The following VIT variants were observed in gnomAD, a reference collection of about 807,000 sequenced individuals.
VIT encodes vitrin.
VIT carries 99 observed loss-of-function variants against 78.0 expected under a neutral mutation model. The observed-to-expected ratio is 1.27, with a 90% CI of 1.08 to 1.50. VIT has a LOEUF of 1.50. Among genes scored for constraint, VIT ranks in the 40% most tolerant of loss-of-function variants. VIT has a pLI of 0.00. For missense variants in VIT, 1,126 were observed against 875.3 expected, an observed-to-expected ratio of 1.29 and a Z score of -3.61; for synonymous variants, 374 against 334.3, an observed-to-expected ratio of 1.12 and a Z score of -1.29.
rs544893267 is a variant in VIT, at chr2:36,730,711, A to T, written c.118+1220A>T. Among the ~76,000 whole-genome samples, 7 of 152,330 alleles carry T rather than the reference A, an allele frequency of 4.6e-5. No individual in the cohort carries two copies. In the East Asian group the frequency reaches 1.4e-3, roughly 29 times the overall value. Reference sequence around the variant, plus strand: ...TGTACCATGCCCAAGAAGAATGAGGATAAGCTGGACATTGAAGGGTGAGGA... The same window carrying T: ...TGTACCATGCCCAAGAAGAATGAGGTTAAGCTGGACATTGAAGGGTGAGGA... On this transcript the variant is annotated intron_variant, in intron 3 of 15. Coordinates refer to ENST00000379242, the MANE Select transcript of VIT (RefSeq NM_053276.4).
chr2:36,778,049 C>G (rs1670176445), intron 9 of VIT, among the ~76,000 whole-genome samples: 1 of 152,170 alleles, frequency 6.6e-6, no homozygotes, highest in Admixed American at 6.5e-5. Flanking sequence ...ATGCCTTCAG[C>G]CACAGATATA....
chr2:36,717,258 AAGCTCTCCCTCCCGGGTTCACC>A (rs1666207330), intron 2 of VIT, among the ~76,000 whole-genome samples: 1 of 145,086 alleles, frequency 6.9e-6, no homozygotes, highest in Non-Finnish European at 1.5e-5. Context: ...GGCTCACTGC[AAGCTCTCCCTCCCGGGTTCACC>A]CCATTCTCCT....
chr2:36,698,326 T>G (rs1381152324), intron 1 of VIT, among the ~76,000 whole-genome samples: 1 of 152,208 alleles, frequency 6.6e-6, no homozygotes, highest in Non-Finnish European at 1.5e-5. Flanking sequence ...TCCACCAAGT[T>G]ACTGATCACA....
At chr2:36,755,380 C>T (rs1668702485) in intron 5 of VIT, among the ~76,000 whole-genome samples, 1 of 152,094 alleles carries the variant, frequency 6.6e-6, no homozygotes, top group Non-Finnish European at 1.5e-5. Context: ...GCCAAATGTG[C>T]CTCATGTCTA....
At chr2:36,741,892 T>C (rs1667857644) in intron 3 of VIT, among the ~76,000 whole-genome samples, 1 of 152,208 alleles carries the variant, frequency 6.6e-6, no homozygotes, top group Admixed American at 6.5e-5. Flanking sequence ...AGAAAGTCTG[T>C]TCTTTAAGTT....
At chr2:36,702,933 C>T (rs1665157435) in intron 1 of VIT, among the ~76,000 whole-genome samples, 4 of 152,220 alleles carry the variant, frequency 2.6e-5, no homozygotes, top group Admixed American at 2.6e-4. Flanking sequence ...TGTCTGGCTG[C>T]TTTCTGCCTA....
intron 4 of VIT, among the ~76,000 whole-genome samples, chr2:36,745,167 T>C (rs1033219154): frequency 9.2e-5 from 14 of 152,162 alleles, no homozygotes; most frequent in African/African-American, 3.4e-4. Context: ...TTCTTTTCCG[T>C]CGTCTACATG....
chr2:36,813,134 C>A (rs1667307053), intron 15 of VIT, among the ~76,000 whole-genome samples: 1 of 150,896 alleles, frequency 6.6e-6, no homozygotes, highest in African/African-American at 2.4e-5. Flanking sequence ...GCCACCGCAC[C>A]CAGCCTGTTT....
At chr2:36,790,631 C>T (rs534419293) in intron 12 of VIT, among the ~76,000 whole-genome samples, 13 of 152,320 alleles carry the variant, frequency 8.5e-5, no homozygotes, top group South Asian at 2.1e-4. Context: ...CAAGAACACA[C>T]AGCTAAATGC....
At chr2:36,789,300 G>C (rs1054264731) in intron 12 of VIT, among the ~76,000 whole-genome samples, 1 of 152,166 alleles carries the variant, frequency 6.6e-6, no homozygotes, top group Non-Finnish European at 1.5e-5. Context: ...GGTCAGACTA[G>C]ATGATTTATT....
At chr2:36,747,487 T>A (rs1388258459) in intron 4 of VIT, among the ~76,000 whole-genome samples, 1 of 152,186 alleles carries the variant, frequency 6.6e-6, no homozygotes, top group Admixed American at 6.5e-5. Flanking sequence ...CAATATTGGG[T>A]CTGTATATAT....
At chr2:36,728,349 A>T (rs981268993) in intron 2 of VIT, among the ~76,000 whole-genome samples, 29 of 152,292 alleles carry the variant, frequency 1.9e-4, no homozygotes, top group Non-Finnish European at 3.1e-4. Flanking sequence ...AAATCTCAAA[A>T]ATAGAAAAAA....
chr2:36,726,840 A>G (rs1304197969), intron 2 of VIT, among the ~76,000 whole-genome samples: 4 of 88,830 alleles, frequency 4.5e-5, no homozygotes, highest in Non-Finnish European at 9.1e-5. Context: ...AAAAAAAAAA[A>G]AAACAAAACC....
chr2:36,716,538 A>C (rs2148449481), intron 2 of VIT, 116 bp downstream of exon 2: 1 of 803,006 alleles, frequency 1.2e-6, no homozygotes, highest in Non-Finnish European at 2.0e-6. Flanking sequence ...ACAGTGTATC[A>C]TTTTATAAGA....
At chr2:36,739,648 T>C (rs1311216837) in intron 3 of VIT, among the ~76,000 whole-genome samples, 3 of 152,192 alleles carry the variant, frequency 2.0e-5, no homozygotes, top group African/African-American at 7.2e-5. Flanking sequence ...GAAGGAACCC[T>C]TGGCAGATAC....
chr2:36,793,665 G>T (rs1665657713), intron 12 of VIT, among the ~76,000 whole-genome samples: 1 of 152,184 alleles, frequency 6.6e-6, no homozygotes, highest in African/African-American at 2.4e-5. Context: ...ACAATTAAAA[G>T]GCTAAATAGT....
At chr2:36,762,605 A>G (rs546560132) in intron 6 of VIT, among the ~76,000 whole-genome samples, 120 of 152,296 alleles carry the variant, frequency 7.9e-4, no homozygotes, top group Non-Finnish European at 1.4e-3. Flanking sequence ...AATGAGTACA[A>G]TTAAAGGAGT....
chr2:36,775,028 G>C lies in VIT; in HGVS notation c.763G>C (p.Ala255Pro). ...PGIQRQDPSG[A>P]AFQKPVGADV... ...TATCCAAAGGCAAGATCCTTCAGGA[G>C]CTGCCTTCCAGAAACCTGTTGGAGC... Residue 255 changes from alanine to proline, a missense_variant, in exon 9 of 16, where the codon GCT (alanine) becomes CCT (proline). By Grantham distance (27) the Ala-to-Pro change is conservative (BLOSUM62 -1). Coordinates refer to ENST00000379242, the MANE Select transcript of VIT (RefSeq NM_053276.4). 6.2e-7 allele frequency: 1 copy of C among 1,614,158 alleles called. No individual in the cohort carries two copies. Among genetic ancestry groups the C allele is most frequent in the Non-Finnish European group, 8.5e-7 (1 of 1,180,030 alleles).
chr2:36,723,978 G>GT (rs1666676870), intron 2 of VIT, among the ~76,000 whole-genome samples: 2 of 134,944 alleles, frequency 1.5e-5, no homozygotes, highest in African/African-American at 5.2e-5. Flanking sequence ...GAGGGGAGGG[G>GT]AGGGGGGGGA....
Sources: gnomAD v4.1 joint callset for allele counts (sites outside exome capture counted in the v4.1 genomes callset) on GRCh38, gnomAD v4.1.1 for gene constraint, MANE v1.5 for transcripts, NCBI Gene and HGNC (gene_info 2026-07-23, HGNC 2026-07-21) for gene names.